The following CPEB1 variants were observed in gnomAD, a reference collection of about 807,000 sequenced individuals.
The protein encoded by CPEB1 is cytoplasmic polyadenylation element binding protein 1.
CPEB1 carries 7 observed loss-of-function variants against 65.8 expected under a neutral mutation model. That is an observed-to-expected ratio of 0.11 (90% CI 0.06 to 0.20). The LOEUF is 0.20. Ranked by LOEUF, CPEB1 falls within the 10% of genes least tolerant of loss-of-function variation. The probability of loss-of-function intolerance (pLI) is 1.00; values close to 1 mark genes in which losing one functional copy is unlikely to be tolerated. For synonymous variants in CPEB1, 262 were observed against 260.0 expected (o/e 1.01, Z -0.08); for missense variants, 551 against 712.2 (o/e 0.77, Z 2.58).
intron 1 of CPEB1, chr15:82,638,004 A>T (rs143289136): frequency 1.5e-5 from 7 of 454,202 alleles, no homozygotes; most frequent in Non-Finnish European, 2.7e-5. Flanking sequence ...ACATTTTTGC[A>T]GATCTCTTTA....
At chr15:82,618,335 CAT>C (rs1291705812) in intron 3 of CPEB1, among the ~76,000 whole-genome samples, 1 of 152,184 alleles carries the variant, frequency 6.6e-6, no homozygotes, top group East Asian at 1.9e-4. Flanking sequence ...TGAAAACACA[CAT>C]AAATACACAT....
chr15:82,620,721 T>C (rs1166459777), intron 3 of CPEB1, among the ~76,000 whole-genome samples: 3 of 152,166 alleles, frequency 2.0e-5, no homozygotes, highest in Non-Finnish European at 4.4e-5. Context: ...GAGGATCACT[T>C]GAGCCCAGGA....
intron 3 of CPEB1, among the ~76,000 whole-genome samples, chr15:82,601,705 T>C (rs2043132338): frequency 6.6e-6 from 1 of 152,202 alleles, no homozygotes; most frequent in African/African-American, 2.4e-5. Context: ...AGATATGCCA[T>C]TCAAGCACCA....
chr15:82,637,808 CTCTTAAAAATTACTGAGGT>C (rs2046785489), intron 1 of CPEB1, among the ~76,000 whole-genome samples: 1 of 152,120 alleles, frequency 6.6e-6, no homozygotes, highest in Non-Finnish European at 1.5e-5. Flanking sequence ...CTCCTTTATA[CTCTTAAAAATTACTGAGGT>C]AATTTTAAGT....
intron 3 of CPEB1, among the ~76,000 whole-genome samples, chr15:82,586,310 T>C (rs783541): frequency 0.22 from 32,995 of 151,548 alleles, 4,525 homozygotes; most frequent in South Asian, 0.42. Context: ...AAGAATGAGT[T>C]CTTATACTGT....
At chr15:82,592,762 C>T (rs926187819) in intron 3 of CPEB1, among the ~76,000 whole-genome samples, 4 of 151,824 alleles carry the variant, frequency 2.6e-5, no homozygotes, top group South Asian at 2.1e-4. Flanking sequence ...GCCAAAGTGC[C>T]GAGGTGGGCA....
At chr15:82,618,898 G>A (rs966465802) in intron 3 of CPEB1, among the ~76,000 whole-genome samples, 20 of 152,138 alleles carry the variant, frequency 1.3e-4, no homozygotes, top group African/African-American at 4.8e-4. Flanking sequence ...TAGGTTCAAC[G>A]CAATCCCAAT....
chr15:82,623,489 C>A (rs1367478021), intron 3 of CPEB1, among the ~76,000 whole-genome samples: 1 of 152,130 alleles, frequency 6.6e-6, no homozygotes, highest in African/African-American at 2.4e-5. Context: ...ACCAGCCTGG[C>A]CAATGTGGTG....
At chr15:82,619,879 C>T (rs940574822) in intron 3 of CPEB1, among the ~76,000 whole-genome samples, 10 of 152,218 alleles carry the variant, frequency 6.6e-5, no homozygotes, top group African/African-American at 2.4e-4. Flanking sequence ...CAAAGATAAA[C>T]ATACGTATAC....
intron 3 of CPEB1, among the ~76,000 whole-genome samples, chr15:82,617,347 G>A (rs1231223012): frequency 6.6e-6 from 1 of 152,148 alleles, no homozygotes; most frequent in African/African-American, 2.4e-5. Flanking sequence ...TATATAAAGA[G>A]GCTATGAACA....
chr15:82,632,507 T>TCA lies in CPEB1; in HGVS notation c.-97-3953_-97-3952dup, dbSNP rs141189332. Among the ~76,000 whole-genome samples, 1,248 of 150,686 alleles carry TCA rather than the reference T, an allele frequency of 8.3e-3. 4 individuals carry two copies. The highest frequency in any genetic ancestry group is 9.8e-3 in the African/African-American group (402 of 41,140). On this transcript the variant is annotated intron_variant, in intron 1 of 12. Transcript: ENST00000684509. Reference sequence around the variant, plus strand: ...TGCTCGACATGTGTACTGTGTATATTCACACACACACACACACATTTTTTA... The same window carrying TCA: ...TGCTCGACATGTGTACTGTGTATATTCACACACACACACACACACATTTTTTA...
chr15:82,573,965 C>A (rs1435488761), intron 3 of CPEB1, among the ~76,000 whole-genome samples: 1 of 152,040 alleles, frequency 6.6e-6, no homozygotes, highest in East Asian at 1.9e-4. Context: ...TAGTTCCCAT[C>A]TCAAAAGTTT....
intron 3 of CPEB1, among the ~76,000 whole-genome samples, chr15:82,582,719 C>T (rs894152582): frequency 2.7e-5 from 4 of 150,708 alleles, no homozygotes; most frequent in African/African-American, 9.8e-5. Flanking sequence ...CTAAACCTAT[C>T]CCATCATACT....
intron 3 of CPEB1, among the ~76,000 whole-genome samples, chr15:82,611,899 T>C (rs2044190883): frequency 6.6e-6 from 1 of 151,530 alleles, no homozygotes; most frequent in African/African-American, 2.4e-5. Flanking sequence ...AAAAAAAGAT[T>C]AGTAACACAG....
chr15:82,589,994 T>C (rs1451376682), intron 3 of CPEB1, among the ~76,000 whole-genome samples: 1 of 152,146 alleles, frequency 6.6e-6, no homozygotes, highest in South Asian at 2.1e-4. Flanking sequence ...ATTTGTGGAT[T>C]TGGGTTATGC....
chr15:82,635,990 C>T (rs1453675221), intron 1 of CPEB1, among the ~76,000 whole-genome samples: 1 of 152,120 alleles, frequency 6.6e-6, no homozygotes, highest in Non-Finnish European at 1.5e-5. Context: ...TCCTAACCTC[C>T]TTCCTGTGTC....
At chr15:82,633,316 T>C (rs1054526501) in intron 1 of CPEB1, 6 of 152,212 alleles carry the variant, frequency 3.9e-5, no homozygotes, top group Admixed American at 6.5e-5. Flanking sequence ...AAGATAAAAC[T>C]AGTTCTACCT....
chr15:82,593,344 T>C (rs546048595), intron 3 of CPEB1, among the ~76,000 whole-genome samples: 1 of 152,364 alleles, frequency 6.6e-6, no homozygotes, highest in South Asian at 2.1e-4. Context: ...TCAACAAAAA[T>C]GTTCACAGCA....
intron 3 of CPEB1, among the ~76,000 whole-genome samples, chr15:82,593,993 C>A (rs1810941537): frequency 6.6e-6 from 1 of 152,196 alleles, no homozygotes; most frequent in Non-Finnish European, 1.5e-5. Context: ...TTATAGAGCA[C>A]AGGCAGAGTA....
Sources: allele counts gnomAD v4.1 joint callset (sites outside exome capture counted in the v4.1 genomes callset), GRCh38; gene constraint gnomAD v4.1.1; transcripts MANE v1.5; gene names NCBI Gene and HGNC (gene_info 2026-07-23, HGNC 2026-07-21).